The following SOX5 variants were observed in gnomAD, a reference collection of about 807,000 sequenced individuals.
The protein encoded by SOX5 is SRY-box transcription factor 5.
SOX5 carries 9 observed loss-of-function variants against 92.0 expected under a neutral mutation model. The observed-to-expected ratio is 0.10, with a 90% CI of 0.06 to 0.17. The LOEUF is 0.17. Ranked by LOEUF, SOX5 falls within the 10% of genes least tolerant of loss-of-function variation. The pLI is 1.00. For synonymous variants in SOX5, 344 were observed against 336.3 expected (o/e 1.02, Z -0.25); for missense variants, 642 against 944.5 (o/e 0.68, Z 4.20).
At chr12:24,160,476 A>G (rs1952641145) in intron 4 of SOX5, among the ~76,000 whole-genome samples, 1 of 152,004 alleles carries the variant, frequency 6.6e-6, no homozygotes, top group Non-Finnish European at 1.5e-5. Context: ...TTTATAATCA[A>G]TGAAGTGACA....
At chr12:24,480,541 G>A (rs1597153142) in intron 1 of SOX5, among the ~76,000 whole-genome samples, 1 of 151,852 alleles carries the variant, frequency 6.6e-6, no homozygotes, top group African/African-American at 2.4e-5. Context: ...AATATATAAG[G>A]AGTTCAAACA....
intron 2 of SOX5, among the ~76,000 whole-genome samples, chr12:24,330,013 ACTCT>A (rs899792643): frequency 1.3e-5 from 2 of 152,108 alleles, no homozygotes; most frequent in Admixed American, 1.3e-4. Context: ...ACAGAGTGAG[ACTCT>A]CTCTCAAAAC....
intron 3 of SOX5, among the ~76,000 whole-genome samples, chr12:24,231,183 C>T (rs1963317024): frequency 6.6e-6 from 1 of 152,188 alleles, no homozygotes; most frequent in Non-Finnish European, 1.5e-5. Context: ...TTCAGAGGAG[C>T]TGCTCTTGCT....
At chr12:24,141,098 G>T (rs1444188082) in intron 4 of SOX5, among the ~76,000 whole-genome samples, 2 of 152,072 alleles carry the variant, frequency 1.3e-5, no homozygotes, top group African/African-American at 4.8e-5. Context: ...TCAGAAAAAA[G>T]ACACACCTTC....
chr12:23,541,632 TAC>T (rs2135991393), intron 13 of SOX5, among the ~76,000 whole-genome samples: 1 of 152,372 alleles, frequency 6.6e-6, no homozygotes, highest in South Asian at 2.1e-4. Context: ...TATATATTTT[TAC>T]ACACAGATTT....
At chr12:24,059,669 G>A (rs1939287514) in intron 4 of SOX5, among the ~76,000 whole-genome samples, 1 of 152,050 alleles carries the variant, frequency 6.6e-6, no homozygotes, top group East Asian at 1.9e-4. Flanking sequence ...CTCAAACCTG[G>A]ATTCACTCCA....
chr12:24,139,712 AT>A (rs1950402463), intron 4 of SOX5, among the ~76,000 whole-genome samples: 2 of 152,312 alleles, frequency 1.3e-5, no homozygotes, highest in Admixed American at 6.5e-5. Flanking sequence ...ATATTCCCAT[AT>A]TTAAAAATTG....
At chr12:23,887,917 A>ATGTGTGTGTGTG (rs61356582) in intron 2 of SOX5, among the ~76,000 whole-genome samples, 3,367 of 144,724 alleles carry the variant, frequency 0.023, 46 homozygotes, top group Non-Finnish European at 0.027. Context: ...CAGTGTGTAT[A>ATGTGTGTGTGTG]TGTGTGTGTG....
chr12:23,840,074 C>T (rs911653656), intron 3 of SOX5, among the ~76,000 whole-genome samples: 8 of 150,746 alleles, frequency 5.3e-5, no homozygotes, highest in Admixed American at 3.3e-4. Flanking sequence ...TGATTGTCTA[C>T]GTAGAAAATT....
intron 4 of SOX5, among the ~76,000 whole-genome samples, chr12:24,096,113 A>C (rs1323401790): frequency 6.6e-6 from 1 of 152,086 alleles, no homozygotes; most frequent in Non-Finnish European, 1.5e-5. Context: ...TCATGGAAAA[A>C]ATTTTTAAAC....
intron 3 of SOX5, among the ~76,000 whole-genome samples, chr12:24,226,273 C>T (rs1961945621): frequency 6.6e-6 from 1 of 151,946 alleles, no homozygotes; most frequent in Non-Finnish European, 1.5e-5. Context: ...TTATTATTTT[C>T]TTGATTAAGG....
intron 3 of SOX5, among the ~76,000 whole-genome samples, chr12:23,836,181 T>A (rs1414319432): frequency 6.6e-6 from 1 of 151,912 alleles, no homozygotes; most frequent in Non-Finnish European, 1.5e-5. Context: ...CATATTAAAT[T>A]TCATTGTCAC....
intron 4 of SOX5, among the ~76,000 whole-genome samples, chr12:24,110,900 CAAA>C (rs67100585): frequency 6.9e-4 from 19 of 27,584 alleles, no homozygotes; most frequent in African/African-American, 1.7e-3. Context: ...GACTCCACTT[CAAA>C]AAAAAAAAAA....
At chr12:23,980,734 C>A (rs73070363) in intron 4 of SOX5, among the ~76,000 whole-genome samples, 9 of 152,198 alleles carry the variant, frequency 5.9e-5, no homozygotes, top group Admixed American at 3.9e-4. Context: ...TGTTTGTCCC[C>A]ATCTCTCTCC....
At chr12:24,140,826 T>A (rs1359817352) in intron 4 of SOX5, among the ~76,000 whole-genome samples, 1 of 152,122 alleles carries the variant, frequency 6.6e-6, no homozygotes, top group African/African-American at 2.4e-5. Flanking sequence ...AAAACTCTCT[T>A]AAAAACAACT....
intron 2 of SOX5, among the ~76,000 whole-genome samples, chr12:23,849,930 A>C (rs887419061): frequency 1.3e-5 from 2 of 152,148 alleles, no homozygotes; most frequent in African/African-American, 4.8e-5. Flanking sequence ...CTTTCCAGTA[A>C]AATTAAGTTT....
intron 3 of SOX5, among the ~76,000 whole-genome samples, chr12:23,804,913 T>C (rs71448699): frequency 9.1e-6 from 1 of 109,332 alleles, no homozygotes; most frequent in Non-Finnish European, 1.8e-5. Context: ...CCTATCATTG[T>C]TTTATATATA....
chr12:24,211,432 A>T (rs1958599811), intron 4 of SOX5, among the ~76,000 whole-genome samples: 1 of 152,216 alleles, frequency 6.6e-6, no homozygotes. Context: ...ATGGATAATC[A>T]TCTTTTTATT....
chr12:24,233,796 A>G (rs1963902925), intron 3 of SOX5, among the ~76,000 whole-genome samples: 1 of 152,260 alleles, frequency 6.6e-6, no homozygotes, highest in East Asian at 1.9e-4. Flanking sequence ...TTAAGTAACC[A>G]GACAGGTTTT....
Sources: allele counts gnomAD v4.1 joint callset (sites outside exome capture counted in the v4.1 genomes callset), GRCh38; gene constraint gnomAD v4.1.1; transcripts MANE v1.5; gene names NCBI Gene and HGNC (gene_info 2026-07-23, HGNC 2026-07-21).